RRP9: variants seen among roughly 807,000 people sequenced by gnomAD.
The protein encoded by RRP9 is ribosomal RNA processing 9, U3 small nucleolar RNA binding protein, also known as U3 small nucleolar RNA-interacting protein 2.
RRP9 carries 35 observed loss-of-function variants against 65.5 expected under a neutral mutation model. The observed-to-expected ratio is 0.53, with a 90% CI of 0.41 to 0.71. The LOEUF (loss-of-function observed/expected upper bound fraction) is 0.71, where lower values mean the gene tolerates loss of function less well. Among genes scored for constraint, RRP9 ranks in the 30% least tolerant of loss-of-function variants. The probability of loss-of-function intolerance (pLI) is 0.00; values close to 1 mark genes in which losing one functional copy is unlikely to be tolerated. For missense variants in RRP9, 533 were observed against 633.6 expected (o/e 0.84, Z 1.70); for synonymous variants, 254 against 245.0 (o/e 1.04, Z -0.34).
Position 51,937,388 on chromosome 3 carries a change from T to G in RRP9, c.391-70A>C. The G allele has an allele frequency of 3.7e-6, 6 of 1,610,160 alleles. No homozygotes were observed. The South Asian group carries it at 6.6e-5, about 18-fold the overall frequency. On this transcript the variant is annotated intron_variant, in intron 5 of 14. Coordinates refer to ENST00000232888, the MANE Select transcript of RRP9 (RefSeq NM_004704.5). The surrounding 1 kb of genome is among the most constrained non-coding windows in gnomAD (Gnocchi z 5.0). ...CACTACCTTCACCAACCCCACTGCG[T>G]AGTGTTGGCCTTTCCCACCCAGGCC...
Position 51,937,176 on chromosome 3 carries a change from C to A in RRP9, c.517+16G>T. ...TCCGCCATGGGGGCTCCAGCCCCAC[C>A]CAGGCACTCACTCACACTTAATGAT... On this transcript the variant is annotated intron_variant, in intron 6 of 14. Transcript: ENST00000232888. The surrounding 1 kb of genome is among the most constrained non-coding windows in gnomAD (Gnocchi z 5.0). 6.2e-7 allele frequency: 1 copy of A among 1,612,170 alleles called. No homozygotes were observed. The highest frequency in any genetic ancestry group is 8.5e-7 in the Non-Finnish European group (1 of 1,179,196).
intron 6 of RRP9, among the ~76,000 whole-genome samples, chr3:51,936,760 A>T (rs546759042): frequency 1.1e-4 from 16 of 152,192 alleles, no homozygotes; most frequent in Non-Finnish European, 2.2e-4. Context: ...AACAGCAGCC[A>T]CAAAGCCCAA....
rs1699459337 is a variant in RRP9, at chr3:51,936,364, A to G, written c.643-15T>C. 1 of 1,614,092 alleles carries G rather than the reference A, an allele frequency of 6.2e-7. No homozygotes were observed. The highest frequency in any genetic ancestry group is 1.3e-5 in the African/African-American group (1 of 74,930). On this transcript the variant is annotated splice_polypyrimidine_tract_variant and intron_variant, in intron 7 of 14. Transcript: ENST00000232888. ...TCACCAGAGGCCTGCAGGGATGAAGACAATGATCACAGGCACCCACCATGC... is the reference window on the plus strand; with the variant it reads ...TCACCAGAGGCCTGCAGGGATGAAGGCAATGATCACAGGCACCCACCATGC...
chr3:51,933,957 G>A (rs533737059), intron 13 of RRP9, among the ~76,000 whole-genome samples, 176 bp from the exon 14 acceptor site: 2 of 152,308 alleles, frequency 1.3e-5, no homozygotes, highest in African/African-American at 4.8e-5. Context: ...CCACATCTGC[G>A]AGATGGGGGT....
At chr3:51,941,329 G>T in intron 2 of RRP9, 80 bp downstream of exon 2, 1 of 1,189,874 alleles carries the variant, frequency 8.4e-7, no homozygotes, top group East Asian at 2.3e-5. Flanking sequence ...TCTAGGCTCA[G>T]TTCTGTTCGG....
chr3:51,937,723 A>G lies in RRP9; in HGVS notation c.294T>C (p.Ala98=), dbSNP rs758292550. ...GGTCCTCCTCAAATGCACGGGCCTC[A>G]GCCTTCTCCTCCTCTGTGCAGGACA... ...EQLRQQEEEK[A]EARAFEEDQV... Residue 98 remains alanine, a synonymous_variant, in exon 4 of 15, where the codon GCT becomes GCC. Coordinates refer to ENST00000232888, the MANE Select transcript of RRP9 (RefSeq NM_004704.5). The surrounding 1 kb of genome is among the most constrained non-coding windows in gnomAD (Gnocchi z 5.0). The G allele has an allele frequency of 4.3e-6, 7 of 1,613,964 alleles. No homozygotes were observed. The African/African-American group carries it at 9.3e-5, about 22-fold the overall frequency.
rs766995079 is a variant in RRP9 at position 51,937,559 on chromosome 3, A to G, written c.376T>C (p.Leu126=). 6.2e-7 allele frequency: 1 copy of G among 1,614,080 alleles called. No homozygotes were observed. Among genetic ancestry groups the G allele is most frequent in the Non-Finnish European group, 8.5e-7 (1 of 1,179,986 alleles). ...TGCCCACTCACCTCTTTTGCCACCA[A>G]CTTCTGCAGCCTGCCCCTCTGCTCA... ...VLEQRGRLQK[L]VAKEIQAPAS... The change falls in exon 5 of 15, where the codon TTG becomes CTG. Residue 126 remains leucine (L), a synonymous_variant. Transcript: ENST00000232888. This position sits in a 1 kb window ranked among gnomAD's most constrained non-coding sequence, Gnocchi z 5.0.
chr3:51,941,718 G>T, intron 1 of RRP9, 63 bp downstream of exon 1: 1 of 1,429,380 alleles, frequency 7.0e-7, no homozygotes, highest in Non-Finnish European at 9.5e-7. Flanking sequence ...CAGGTCCCCT[G>T]GATGGGATGA....
At chr3:51,936,013 G>A (rs907624203) in intron 8 of RRP9, among the ~76,000 whole-genome samples, 3 of 152,108 alleles carry the variant, frequency 2.0e-5, no homozygotes, top group Admixed American at 6.5e-5. Context: ...GGCAAGAGCC[G>A]CTACATCCCG....
rs756765944 is a variant in RRP9 at position 51,937,309 on chromosome 3, G to C, written c.400C>G (p.Pro134Ala). ...AAAACGCGAATGTCAGCTGAGGCTG[G>C]GGCCTGGATCTGGGCAGACAGGGGC... ...QKLVAKEIQAPASADIRVLRG... is the reference protein window; with the variant it reads ...QKLVAKEIQAAASADIRVLRG... Residue 134 changes from proline to alanine, a missense_variant, in exon 6 of 15, where the codon CCA becomes GCA. Around this residue, in one of 3 missense-constraint regions of RRP9, gnomAD observed 449 missense variants for 550.6 expected, o/e 0.82. Coordinates refer to ENST00000232888, the MANE Select transcript of RRP9 (RefSeq NM_004704.5). The surrounding 1 kb of genome is among the most constrained non-coding windows in gnomAD (Gnocchi z 5.0). 3.2e-5 allele frequency: 52 copies of C among 1,614,128 alleles called. 1 individual carries two copies. The South Asian group carries it at 5.5e-4, about 17-fold the overall frequency.
chr3:51,934,373 A>T lies in RRP9; in HGVS notation c.1260+99T>A. The T allele has an allele frequency of 7.8e-7, 1 of 1,279,326 alleles. No individual in the cohort carries two copies. The highest frequency in any genetic ancestry group is 1.1e-6 in the Non-Finnish European group (1 of 922,196). The allele number at this position is 1,279,326 out of a possible 1,614,324, so 79.2% of individuals were successfully genotyped here. A position where few individuals can be genotyped will look rare whatever the true frequency, so the allele number is the denominator to read the frequency against. Reference sequence around the variant, plus strand: ...GCTAGGAGCTGGCCCTGCCCTGAGAAGGTTCCCTTCTGGCAGGAAGAAAGA... The same window carrying T: ...GCTAGGAGCTGGCCCTGCCCTGAGATGGTTCCCTTCTGGCAGGAAGAAAGA... On this transcript the variant is annotated intron_variant, in intron 13 of 14. Transcript: ENST00000232888. The surrounding 1 kb of genome is among the most constrained non-coding windows in gnomAD (Gnocchi z 4.1).
In RRP9 at chr3:51,935,669, G is replaced by A. The variant is rs1179513605; in HGVS notation, c.759C>T (p.Thr253=). The change falls in exon 9 of 15, where the codon ACC becomes ACT. Residue 253 remains threonine, a synonymous_variant. Transcript: ENST00000232888. ...CGTGGGATGTGCTGTAGAGCTGGTG[G>A]GTGCCTCTGCGGAATGCCAGACCCT... ...AVSGLAFRRG[T]HQLYSTSHDR... 4.3e-6 allele frequency: 7 copies of A among 1,614,142 alleles called. No homozygotes were observed. The highest frequency in any genetic ancestry group is 5.9e-6 in the Non-Finnish European group (7 of 1,180,018).
At chr3:51,935,755 G>T in intron 8 of RRP9, 63 bp from the exon 9 acceptor site, 2 of 1,398,554 alleles carry the variant, frequency 1.4e-6, no homozygotes, top group Non-Finnish European at 2.0e-6. Context: ...GACAGGTCAG[G>T]CCCAGGGAGG....
intron 1 of RRP9, 111 bp downstream of exon 1, chr3:51,941,670 A>C: frequency 8.8e-7 from 1 of 1,135,382 alleles, no homozygotes; most frequent in Admixed American, 2.0e-5. Context: ...TGACTCCAGC[A>C]GGGGTCCAGG....
At chr3:51,936,866 G>A (rs923463406) in intron 6 of RRP9, among the ~76,000 whole-genome samples, 8 of 152,174 alleles carry the variant, frequency 5.3e-5, no homozygotes, top group Non-Finnish European at 7.3e-5. Context: ...AGCCAGCAAC[G>A]GATGGGAACC....
At position 51,934,886 on chromosome 3, in the gene RRP9, G is replaced by C. The variant is rs1699435226; in HGVS notation, c.1035-110C>G. 8 of 1,204,492 alleles carry C rather than the reference G, an allele frequency of 6.6e-6. No individual in the cohort carries two copies. In the East Asian group the frequency reaches 1.9e-4, roughly 29 times the overall value. 74.6% of individuals were successfully genotyped at this position (1,204,492 alleles called of 1,614,324 possible). ...GGATGGATACCCCATTTCCCATGATGTGATTATTACATATTGCATGCCTGT... is the reference window on the plus strand; with the variant it reads ...GGATGGATACCCCATTTCCCATGATCTGATTATTACATATTGCATGCCTGT... On this transcript the variant is annotated intron_variant, in intron 11 of 14. Transcript: ENST00000232888. This position sits in a 1 kb window ranked among gnomAD's most constrained non-coding sequence, Gnocchi z 4.1.
chr3:51,934,827 C>A lies in RRP9; in HGVS notation c.1035-51G>T. 2 of 1,576,598 alleles carry A rather than the reference C, an allele frequency of 1.3e-6. No individual in the cohort carries two copies. Among genetic ancestry groups the A allele is most frequent in the African/African-American group, 1.3e-5 (1 of 74,250 alleles). The stretch of plus-strand genomic sequence containing the variant: ...GTGAGGGGGCCAGAGGCAGAAAAGG[C>A]CCCCTGTGTAACACAAAGGATTAAT... On this transcript the variant is annotated intron_variant, in intron 11 of 14. Coordinates refer to ENST00000232888, the MANE Select transcript of RRP9 (RefSeq NM_004704.5). The surrounding 1 kb of genome is among the most constrained non-coding windows in gnomAD (Gnocchi z 4.1).
rs778116714 is a variant in RRP9 at position 51,934,715 on chromosome 3, C to T, written c.1096G>A (p.Gly366Arg). ...TCCAGGCCTGGCTCTCCCCGCAGCC[C>T]GTGAGCTTCACGCTGCAGGGCAAGT... ...RPLALQREAHGLRGEPGLEQP... is the reference protein window; with the variant it reads ...RPLALQREAHRLRGEPGLEQP... Residue 366 changes from glycine (G) to arginine (R), a missense_variant, in exon 12 of 15, where the codon GGG (glycine) becomes AGG (arginine). Around this residue, in one of 3 missense-constraint regions of RRP9, gnomAD observed 449 missense variants for 550.6 expected, o/e 0.82. Coordinates refer to ENST00000232888, the MANE Select transcript of RRP9 (RefSeq NM_004704.5). This position sits in a 1 kb window ranked among gnomAD's most constrained non-coding sequence, Gnocchi z 4.1. The T allele has an allele frequency of 1.2e-5, 19 of 1,614,002 alleles. No homozygotes were observed. The highest frequency in any genetic ancestry group is 1.6e-4 in the Middle Eastern group (1 of 6,080).
rs140638395 is a variant in RRP9 at position 51,934,832 on chromosome 3, T to C, written c.1035-56A>G. 3.3e-4 allele frequency: 520 copies of C among 1,562,700 alleles called. No homozygotes were observed. The African/African-American group carries it at 6.1e-3, about 18-fold the overall frequency. On this transcript the variant is annotated intron_variant, in intron 11 of 14. Transcript: ENST00000232888. This position sits in a 1 kb window ranked among gnomAD's most constrained non-coding sequence, Gnocchi z 4.1. ...GGGGCCAGAGGCAGAAAAGGCCCCC[T>C]GTGTAACACAAAGGATTAATGCTTG...
Sources: allele counts gnomAD v4.1 joint callset (sites outside exome capture counted in the v4.1 genomes callset), GRCh38; gene constraint gnomAD v4.1.1; regional missense constraint gnomAD v4.1.1; non-coding constraint Gnocchi (gnomAD v3.1); transcripts MANE v1.5; gene names NCBI Gene and HGNC (gene_info 2026-07-23, HGNC 2026-07-21).